The following MLLT10 variants were observed in gnomAD, a reference collection of about 807,000 sequenced individuals.
MLLT10 encodes MLLT10 histone lysine methyltransferase DOT1L cofactor.
In MLLT10, 30 loss-of-function variants were observed where a neutral mutation model predicts 129.1. That is an observed-to-expected ratio of 0.23 (90% CI 0.17 to 0.32). MLLT10 has a LOEUF of 0.32. MLLT10 is among the 10% of genes least tolerant of loss of function. The probability of loss-of-function intolerance (pLI) is 1.00; values close to 1 mark genes in which losing one functional copy is unlikely to be tolerated. For missense variants in MLLT10, 1,119 were observed against 1,268.3 expected (o/e 0.88, Z 1.79); for synonymous variants, 490 against 446.4 (o/e 1.10, Z -1.23).
At chr10:21,660,060 G>A (rs960482313) in intron 9 of MLLT10, among the ~76,000 whole-genome samples, 2 of 151,892 alleles carry the variant, frequency 1.3e-5, no homozygotes, top group African/African-American at 4.8e-5. Flanking sequence ...GACCTCCCAG[G>A]CTCAAGCATA....
chr10:21,682,960 A>T (rs2052897775), intron 13 of MLLT10, among the ~76,000 whole-genome samples: 1 of 152,206 alleles, frequency 6.6e-6, no homozygotes, highest in African/African-American at 2.4e-5. Flanking sequence ...AGTTATTAAC[A>T]GATCTCATTT....
intron 4 of MLLT10, among the ~76,000 whole-genome samples, chr10:21,587,152 C>G (rs1185692444): frequency 3.9e-5 from 6 of 151,918 alleles, no homozygotes; most frequent in African/African-American, 1.5e-4. Flanking sequence ...GTAATCCCAG[C>G]TCTTTGAGAG....
At chr10:21,676,525 G>A (rs1169042175) in intron 11 of MLLT10, among the ~76,000 whole-genome samples, 1 of 151,482 alleles carries the variant, frequency 6.6e-6, no homozygotes, top group African/African-American at 2.4e-5. Context: ...GATCTAGACC[G>A]TCCTGGCCAA....
chr10:21,621,635 C>G (rs1052883315), intron 8 of MLLT10, among the ~76,000 whole-genome samples: 2 of 136,680 alleles, frequency 1.5e-5, no homozygotes, highest in African/African-American at 5.2e-5. Flanking sequence ...CGCCCCCAAT[C>G]CCACTGGCGC....
intron 10 of MLLT10, 32 bp from the exon 11 acceptor site, chr10:21,673,318 C>CAGT: frequency 9.8e-6 from 3 of 307,336 alleles, no homozygotes; most frequent in East Asian, 7.1e-5. Flanking sequence ...CACCCCCCAA[C>CAGT]TTTTTTTTTT....
At chr10:21,582,632 G>C (rs2131079110) in intron 3 of MLLT10, among the ~76,000 whole-genome samples, 1 of 152,278 alleles carries the variant, frequency 6.6e-6, no homozygotes, top group African/African-American at 2.4e-5. Context: ...GATGAAAGGT[G>C]ATGCTTGCTT....
chr10:21,734,895 A>G (rs1370849731), intron 20 of MLLT10, among the ~76,000 whole-genome samples: 1 of 152,222 alleles, frequency 6.6e-6, no homozygotes, highest in Non-Finnish European at 1.5e-5. Context: ...AAAATGAGTT[A>G]GGGCCTATTT....
intron 17 of MLLT10, 103 bp from the exon 18 acceptor site, chr10:21,732,796 A>G (rs754990764): frequency 1.5e-5 from 13 of 884,180 alleles, no homozygotes; most frequent in African/African-American, 1.2e-4. Context: ...CAGAATTTCT[A>G]CTGTTCTATT....
At chr10:21,634,243 A>G (rs1202384899) in intron 8 of MLLT10, among the ~76,000 whole-genome samples, 2 of 152,174 alleles carry the variant, frequency 1.3e-5, no homozygotes, top group Non-Finnish European at 1.5e-5. Context: ...AAAATAAAAC[A>G]GTTACCAGGA....
At chr10:21,588,228 G>A (rs12266450) in intron 4 of MLLT10, among the ~76,000 whole-genome samples, 6,936 of 151,876 alleles carry the variant, frequency 0.046, 525 homozygotes, top group African/African-American at 0.16. Context: ...CACCACGCCC[G>A]GCTAATTTTT....
chr10:21,557,333 A>G (rs1371825349), intron 3 of MLLT10: 8 of 275,678 alleles, frequency 2.9e-5, no homozygotes, highest in African/African-American at 4.6e-5. Context: ...CTCTTAACAT[A>G]AAAGATCCAC....
chr10:21,549,658 T>TC (rs2036659691), intron 3 of MLLT10, among the ~76,000 whole-genome samples: 1 of 134,880 alleles, frequency 7.4e-6, no homozygotes, highest in Non-Finnish European at 1.6e-5. Flanking sequence ...TGAGTTGTAC[T>TC]CTTTTTTTTT....
At chr10:21,615,433 G>T (rs1240492555) in intron 7 of MLLT10, among the ~76,000 whole-genome samples, 2 of 136,716 alleles carry the variant, frequency 1.5e-5, no homozygotes, top group Non-Finnish European at 3.1e-5. Context: ...CTCCAGCCTG[G>T]GAAACAAGAG....
chr10:21,631,182 C>T (rs924965304), intron 8 of MLLT10, among the ~76,000 whole-genome samples: 12 of 151,742 alleles, frequency 7.9e-5, no homozygotes, highest in Non-Finnish European at 1.0e-4. Context: ...GGCATGGTGG[C>T]GGGCGCCTGT....
At chr10:21,677,639 G>A (rs1017833329) in intron 11 of MLLT10, among the ~76,000 whole-genome samples, 2 of 152,290 alleles carry the variant, frequency 1.3e-5, no homozygotes, top group Middle Eastern at 3.4e-3. Flanking sequence ...ATTCAGTACA[G>A]ACTCAATTTT....
intron 5 of MLLT10, 80 bp from the exon 6 acceptor site, chr10:21,612,267 TC>T: frequency 1.2e-6 from 1 of 810,656 alleles, no homozygotes; most frequent in Non-Finnish European, 1.9e-6. Flanking sequence ...TACCTGATCT[TC>T]ATTTCTGAAG....
intron 9 of MLLT10, among the ~76,000 whole-genome samples, chr10:21,666,194 A>C (rs1375202367): frequency 1.3e-5 from 2 of 152,102 alleles, no homozygotes; most frequent in Non-Finnish European, 2.9e-5. Context: ...TCGTTAGCCT[A>C]TCAGAGTTTA....
intron 9 of MLLT10, among the ~76,000 whole-genome samples, chr10:21,664,025 T>C (rs952883143): frequency 6.6e-6 from 1 of 152,234 alleles, no homozygotes; most frequent in Non-Finnish European, 1.5e-5. Flanking sequence ...TTTAATGATA[T>C]AAACTTCCCT....
chr10:21,547,342 C>G (rs944145846), intron 3 of MLLT10, among the ~76,000 whole-genome samples: 7 of 151,396 alleles, frequency 4.6e-5, no homozygotes, highest in Admixed American at 4.6e-4. Flanking sequence ...GCCTTGATTC[C>G]TTTGGTTCTT....
Sources: allele counts gnomAD v4.1 joint callset (sites outside exome capture counted in the v4.1 genomes callset), GRCh38; gene constraint gnomAD v4.1.1; transcripts MANE v1.5; gene names NCBI Gene and HGNC (gene_info 2026-07-23, HGNC 2026-07-21).